PAGE4: variants seen among roughly 807,000 people sequenced by gnomAD.
The protein encoded by PAGE4 is PAGE family member 4.
A neutral mutation model predicts 8.5 loss-of-function variants in PAGE4; 1 was observed. That is an observed-to-expected ratio of 0.12 (90% CI 0.04 to 0.56). The LOEUF (loss-of-function observed/expected upper bound fraction) is 0.56. Ranked by LOEUF, PAGE4 falls within the 20% of genes least tolerant of loss-of-function variation. The pLI is 0.91. For missense variants in PAGE4, 93 were observed against 82.7 expected, an observed-to-expected ratio of 1.13 and a Z score of -0.49; for synonymous variants, 26 against 26.3, an observed-to-expected ratio of 0.99 and a Z score of 0.04.
intron 3 of PAGE4, among the ~76,000 whole-genome samples, chrX:49,831,630 T>G (rs181537638): frequency 8.9e-6 from 1 of 112,109 alleles, no homozygotes; most frequent in East Asian, 2.8e-4. Flanking sequence ...GGACTTAAAA[T>G]GTAAGGAAAA....
intron 4 of PAGE4, among the ~76,000 whole-genome samples, chrX:49,833,610 T>C (rs1240798586): frequency 1.8e-5 from 2 of 112,208 alleles, no homozygotes; most frequent in Non-Finnish European, 3.8e-5. Flanking sequence ...TCATAGCATT[T>C]AATCTGTTCT....
At chrX:49,831,710 T>C (rs781919768) in intron 3 of PAGE4, among the ~76,000 whole-genome samples, 105 of 112,088 alleles carry the variant, frequency 9.4e-4, no homozygotes, top group Middle Eastern at 4.7e-3. Context: ...CATTTTGCCA[T>C]TTATCTCCCT....
intron 3 of PAGE4, among the ~76,000 whole-genome samples, chrX:49,832,268 T>A (rs141039954): frequency 5.4e-4 from 60 of 111,994 alleles, no homozygotes; most frequent in African/African-American, 1.9e-3. Flanking sequence ...AACAAATAAC[T>A]GCTGTAATGA....
At chrX:49,831,807 A>G (rs1239394773) in intron 3 of PAGE4, among the ~76,000 whole-genome samples, 3 of 112,231 alleles carry the variant, frequency 2.7e-5, no homozygotes, top group African/African-American at 9.7e-5. Context: ...TTCAGTATGT[A>G]TCTGCTAAAA....
At chrX:49,832,696 T>C (rs1923515960) in intron 4 of PAGE4, 46 bp downstream of exon 4, 2 of 1,061,753 alleles carry the variant, frequency 1.9e-6, no homozygotes, top group African/African-American at 1.9e-5. Context: ...ACTCTTTTTC[T>C]ATAATATACT....
chrX:49,832,787 GA>G, intron 4 of PAGE4, 137 bp downstream of exon 4: 4 of 516,342 alleles, frequency 7.7e-6, no homozygotes, highest in East Asian at 4.1e-5. Context: ...AGTGTCAGGG[GA>G]AAAATGAATT....
chrX:49,832,378 T>C, intron 3 of PAGE4, 147 bp from the exon 4 acceptor site: 1 of 408,853 alleles, frequency 2.4e-6, no homozygotes, highest in Non-Finnish European at 4.2e-6. Context: ...GAGATAATAT[T>C]CTTCCCCATT....
At chrX:49,830,947 T>A in intron 2 of PAGE4, 50 bp from the exon 3 acceptor site, 2 of 815,083 alleles carry the variant, frequency 2.5e-6, no homozygotes, top group Non-Finnish European at 1.8e-6. Flanking sequence ...ATTGCCATGA[T>A]ATTAATAACA....
chrX:49,830,999 C>T lies in PAGE4; in HGVS notation c.81C>T (p.Pro27=), dbSNP rs78248125. 1.3e-3 allele frequency: 1,515 copies of T among 1,178,481 alleles called. 17 individuals are homozygous for T. The African/African-American group carries it at 0.025, about 19-fold the overall frequency. The part of the protein sequence containing the change: ...EAPDVVAFVA[P]GESQQEEPPT... ...TACTCTCCCCCACCTCTCAAAAGCCCGGTGAATCTCAGCAAGAGGAACCAC... is the reference window on the plus strand; with the variant it reads ...TACTCTCCCCCACCTCTCAAAAGCCTGGTGAATCTCAGCAAGAGGAACCAC... The change falls in exon 3 of 5, where the codon CCC becomes CCT. Residue 27 remains proline, a splice_region_variant and synonymous_variant. Coordinates refer to ENST00000218068, the MANE Select transcript of PAGE4 (RefSeq NM_007003.4).
Position 49,833,878 on chromosome X carries a change from A to G in PAGE4, c.*16A>G. ...GCAGCCATAAGTTAAAAAGAAGACA[A>G]GCTGAAGCTACACACATGGCTGATG... On this transcript the variant is annotated 3_prime_UTR_variant, in exon 5 of 5. Coordinates refer to ENST00000218068, the MANE Select transcript of PAGE4 (RefSeq NM_007003.4). The G allele has an allele frequency of 2.6e-6, 3 of 1,156,710 alleles. No individual in the cohort carries two copies. Among genetic ancestry groups the G allele is most frequent in the Non-Finnish European group, 3.5e-6 (3 of 848,685 alleles).
In PAGE4 at chrX:49,834,013, C is replaced by T. The variant is rs1194841814; in HGVS notation, c.*151C>T. On this transcript the variant is annotated 3_prime_UTR_variant, in exon 5 of 5. Coordinates refer to ENST00000218068, the MANE Select transcript of PAGE4 (RefSeq NM_007003.4). ...AAAATTTATTCCTAGGAAATTGACACTATTGTAAATGGTATCTTTAAAAAA... is the reference window on the plus strand; with the variant it reads ...AAAATTTATTCCTAGGAAATTGACATTATTGTAAATGGTATCTTTAAAAAA... 2.2e-6 allele frequency: 1 copy of T among 449,077 alleles called. No individual in the cohort carries two copies. Among genetic ancestry groups the T allele is most frequent in the Non-Finnish European group, 3.9e-6 (1 of 253,451 alleles). 37.0% of individuals were successfully genotyped at this position (449,077 alleles called of 1,213,427 possible).
intron 4 of PAGE4, 140 bp from the exon 5 acceptor site, chrX:49,833,706 A>G (rs1923544632): frequency 2.2e-6 from 1 of 445,334 alleles, no homozygotes; most frequent in African/African-American, 2.5e-5. Context: ...GTACATTAGC[A>G]TAGAAGTCTA....
intron 3 of PAGE4, among the ~76,000 whole-genome samples, chrX:49,831,703 T>C (rs1923484186): frequency 8.9e-6 from 1 of 111,987 alleles, no homozygotes; most frequent in South Asian, 3.7e-4. Context: ...GCTATAACAT[T>C]TTGCCATTTA....
chrX:49,831,962 T>TC (rs1322348078), intron 3 of PAGE4, among the ~76,000 whole-genome samples: 2 of 111,805 alleles, frequency 1.8e-5, no homozygotes, highest in African/African-American at 6.5e-5. Context: ...TGATCCAGGA[T>TC]CTAATTCAAG....
At chrX:49,830,346 A>G in intron 1 of PAGE4, 53 bp from the exon 2 acceptor site, 1 of 575,927 alleles carries the variant, frequency 1.7e-6, no homozygotes, top group South Asian at 3.4e-5. Flanking sequence ...AAAAATTACA[A>G]TCAGCAGATG....
intron 2 of PAGE4, 103 bp from the exon 3 acceptor site, chrX:49,830,894 T>G (rs1923455531): frequency 1.9e-6 from 1 of 538,945 alleles, no homozygotes; most frequent in South Asian, 2.9e-5. Flanking sequence ...CAGATTTATT[T>G]GTGACTAGCT....
Position 49,833,857 on chromosome X carries a change from C to A in PAGE4, c.304C>A (p.Pro102Thr), listed in dbSNP as rs782808398. Residue 102 changes from proline to threonine, a missense_variant, in exon 5 of 5, where the codon CCA (proline) becomes ACA (threonine). Physicochemically the swap from Pro to Thr is conservative, Grantham distance 38. Coordinates refer to ENST00000218068, the MANE Select transcript of PAGE4 (RefSeq NM_007003.4). Reference sequence around the variant, plus strand: ...TGTTTATATTTTAGGAGATGGGCAGCCATAAGTTAAAAAGAAGACAAGCTG... The same window carrying A: ...TGTTTATATTTTAGGAGATGGGCAGACATAAGTTAAAAAGAAGACAAGCTG... ...AKTKEAGDGQ[P>T] is the part of the protein sequence containing the mutation. The A allele has an allele frequency of 8.4e-6, 10 of 1,183,812 alleles. No individual in the cohort carries two copies. The African/African-American group carries it at 1.2e-4, about 15-fold the overall frequency.
At chrX:49,830,555 T>G (rs782223328) in intron 2 of PAGE4, 49 bp downstream of exon 2, 1 of 904,985 alleles carries the variant, frequency 1.1e-6, no homozygotes, top group East Asian at 3.3e-5. Flanking sequence ...TGTATTTTTC[T>G]GAAAGAAAAT....
chrX:49,830,578 T>A, intron 2 of PAGE4, 72 bp downstream of exon 2: 1 of 731,602 alleles, frequency 1.4e-6, no homozygotes, highest in Non-Finnish European at 2.1e-6. Flanking sequence ...AAAACATTGT[T>A]AACCAATATA....
Sources: gnomAD v4.1 joint callset for allele counts (sites outside exome capture counted in the v4.1 genomes callset) on GRCh38, gnomAD v4.1.1 for gene constraint, MANE v1.5 for transcripts, NCBI Gene and HGNC (gene_info 2026-07-23, HGNC 2026-07-21) for gene names.